GYG1: variants seen among roughly 807,000 people sequenced by gnomAD.
GYG1 encodes the protein glycogenin 1, also known as glycogenin-1.
Under a neutral mutation model 41.9 loss-of-function variants are expected in GYG1, and 44 were observed. The observed-to-expected ratio is 1.05, with a 90% CI of 0.83 to 1.35. The LOEUF (loss-of-function observed/expected upper bound fraction) is 1.35. Ranked by LOEUF, GYG1 falls within the 40% of genes most tolerant of loss-of-function variation. GYG1 has a pLI of 0.00. For missense variants in GYG1, 429 were observed against 418.9 expected (o/e 1.02, Z -0.21); for synonymous variants, 141 against 158.1 (o/e 0.89, Z 0.81).
intron 5 of GYG1, among the ~76,000 whole-genome samples, chr3:149,023,546 G>A (rs1714481871): frequency 6.6e-6 from 1 of 152,182 alleles, no homozygotes; most frequent in Admixed American, 6.5e-5. Context: ...CAAGTGGTGT[G>A]CCTGTTCTGT....
At chr3:148,991,920 C>T (rs974670328) in intron 1 of GYG1, among the ~76,000 whole-genome samples, 1 of 152,116 alleles carries the variant, frequency 6.6e-6, no homozygotes, top group Admixed American at 6.5e-5. Flanking sequence ...TCCTCTTGCT[C>T]TCACGGCGAA....
chr3:149,008,923 C>T lies in GYG1; in HGVS notation c.482-353C>T, dbSNP rs368520449. The T allele has an allele frequency of 2.7e-4, 63 of 235,416 alleles. 3 individuals carry two copies. The South Asian group carries it at 3.4e-3, about 13-fold the overall frequency. 14.6% of individuals were successfully genotyped at this position (235,416 alleles called of 1,614,324 possible). A position where few individuals can be genotyped will look rare whatever the true frequency, so the allele number is the denominator to read the frequency against. ...TGGTAGTCCTTGCACTTTGGGAGGC[C>T]AAGGCAGGTGTATCACTTGAGATCA... On this transcript the variant is annotated intron_variant, in intron 4 of 7. Coordinates refer to ENST00000345003, the MANE Select transcript of GYG1 (RefSeq NM_004130.4).
At chr3:148,992,088 G>T (rs921227014) in intron 1 of GYG1, among the ~76,000 whole-genome samples, 1 of 151,972 alleles carries the variant, frequency 6.6e-6, no homozygotes, top group African/African-American at 2.4e-5. Context: ...TCCGAGGCGG[G>T]GATACTGCGG....
intron 1 of GYG1, among the ~76,000 whole-genome samples, 187 bp from the exon 2 acceptor site, chr3:148,993,955 T>C (rs1291068536): frequency 1.3e-5 from 2 of 152,244 alleles, no homozygotes; most frequent in Admixed American, 6.5e-5. Context: ...GTGCCTGCTA[T>C]GATCTTGAAC....
At chr3:149,007,615 C>G (rs1239307858) in intron 4 of GYG1, among the ~76,000 whole-genome samples, 1 of 152,172 alleles carries the variant, frequency 6.6e-6, no homozygotes. Flanking sequence ...AAATAGATCT[C>G]TAGATTTTTA....
At chr3:149,016,972 T>C (rs994157993) in intron 5 of GYG1, among the ~76,000 whole-genome samples, 3 of 151,994 alleles carry the variant, frequency 2.0e-5, no homozygotes, top group African/African-American at 7.2e-5. Flanking sequence ...CCCAGAGAAG[T>C]GTCGCACAAG....
At chr3:149,001,252 A>G (rs1713080373) in intron 4 of GYG1, 1 of 152,180 alleles carries the variant, frequency 6.6e-6, no homozygotes, top group South Asian at 2.1e-4. Context: ...TGCCTGTTCT[A>G]GTAATTTATC....
chr3:149,012,847 C>T (rs112410279), intron 5 of GYG1, among the ~76,000 whole-genome samples: 4,016 of 151,888 alleles, frequency 0.026, 199 homozygotes, highest in African/African-American at 0.092. Context: ...TTTTTTGAGA[C>T]GGAATCTTGC....
In GYG1 at chr3:149,004,768, T is replaced by C. The variant is rs375808929; in HGVS notation, c.482-4508T>C. Among the ~76,000 whole-genome samples, 4 of 152,374 alleles carry C rather than the reference T, an allele frequency of 2.6e-5. 1 individual carries two copies. Among genetic ancestry groups the C allele is most frequent in the Admixed American group, 6.5e-5 (1 of 15,310 alleles). ...GATTTGCCAATTTAACAGGCACTGT[T>C]GATTCACCAGTTCTGCTTCAGTGCC... On this transcript the variant is annotated intron_variant, in intron 4 of 7. Transcript: ENST00000345003.
intron 1 of GYG1, 57 bp downstream of exon 1, chr3:148,991,704 G>A (rs1712479762): frequency 7.5e-7 from 1 of 1,339,930 alleles, no homozygotes; most frequent in Non-Finnish European, 1.0e-6. Flanking sequence ...CTGCCCAGCC[G>A]CCGCCTCCCT....
intron 4 of GYG1, among the ~76,000 whole-genome samples, chr3:148,997,623 C>T (rs1055471273): frequency 6.6e-6 from 1 of 152,102 alleles, no homozygotes; most frequent in Admixed American, 6.5e-5. Flanking sequence ...AATAACAAGC[C>T]ATGTTTTTAA....
intron 5 of GYG1, among the ~76,000 whole-genome samples, chr3:149,017,859 C>T (rs1054500681): frequency 6.6e-6 from 1 of 151,576 alleles, no homozygotes; most frequent in Non-Finnish European, 1.5e-5. Context: ...GCAATTCTCC[C>T]GCCTCGGCCT....
In GYG1 at chr3:149,009,403, G is replaced by A; in HGVS notation, c.608+1G>A. Reference sequence around the variant, plus strand: ...ACTCCTACCTCCCGGCATTTAAAGTGTAAGTGCAGATGGTTTAACTATTGT... The same window carrying A: ...ACTCCTACCTCCCGGCATTTAAAGTATAAGTGCAGATGGTTTAACTATTGT... On this transcript the variant is annotated splice_donor_variant, in intron 5 of 7. Coordinates refer to ENST00000345003, the MANE Select transcript of GYG1 (RefSeq NM_004130.4). LOFTEE classifies it high-confidence loss of function. 1.2e-6 allele frequency: 2 copies of A among 1,613,690 alleles called. No individual in the cohort carries two copies. The highest frequency in any genetic ancestry group is 1.7e-6 in the Non-Finnish European group (2 of 1,179,570).
chr3:149,021,260 G>A (rs1186497254), intron 5 of GYG1, among the ~76,000 whole-genome samples: 1 of 152,190 alleles, frequency 6.6e-6, no homozygotes, highest in Non-Finnish European at 1.5e-5. Context: ...TGAGCATAGT[G>A]CCATATGCAT....
Position 148,994,260 on chromosome 3 carries a change from G to C in GYG1, c.126G>C (p.Gln42His), listed in dbSNP as rs763182023. ...GGCTGGTCGTGCTCGCCACCCCTCA[G>C]GTCTCAGACTCCATGAGGTGAGGAC... The part of the protein sequence containing the change: ...TRRLVVLATP[Q>H]VSDSMRKVLE... Residue 42 changes from glutamine to histidine, a missense_variant, in exon 2 of 8, where the codon CAG becomes CAC. By Grantham distance (24) the Gln-to-His change is conservative (BLOSUM62 0). Coordinates refer to ENST00000345003, the MANE Select transcript of GYG1 (RefSeq NM_004130.4). 1 of 1,614,038 alleles carries C rather than the reference G, an allele frequency of 6.2e-7. No individual in the cohort carries two copies. Among genetic ancestry groups the C allele is most frequent in the Admixed American group, 1.7e-5 (1 of 60,008 alleles).
At chr3:148,994,925 A>C (rs1268156864) in intron 2 of GYG1, among the ~76,000 whole-genome samples, 1 of 152,210 alleles carries the variant, frequency 6.6e-6, no homozygotes, top group African/African-American at 2.4e-5. Context: ...TCATGCCTGT[A>C]ATCTCAGCAC....
At chr3:149,004,651 C>T (rs146911492) in intron 4 of GYG1, among the ~76,000 whole-genome samples, 105 of 152,302 alleles carry the variant, frequency 6.9e-4, no homozygotes, top group African/African-American at 2.4e-3. Context: ...AAATGATAAA[C>T]CTTTGTAGTC....
intron 2 of GYG1, among the ~76,000 whole-genome samples, chr3:148,995,327 C>G (rs982482185): frequency 1.3e-5 from 2 of 152,188 alleles, no homozygotes; most frequent in African/African-American, 4.8e-5. Context: ...TTTCTGGTCT[C>G]CTGGCCCTCT....
chr3:149,006,479 T>A (rs1476560145), intron 4 of GYG1, among the ~76,000 whole-genome samples: 1 of 152,256 alleles, frequency 6.6e-6, no homozygotes, highest in African/African-American at 2.4e-5. Context: ...TATTATTTGA[T>A]GTTATATAAA....
Sources: allele counts gnomAD v4.1 joint callset (sites outside exome capture counted in the v4.1 genomes callset), GRCh38; gene constraint gnomAD v4.1.1; transcripts MANE v1.5; gene names NCBI Gene and HGNC (gene_info 2026-07-23, HGNC 2026-07-21).